AKR7A2: variants seen among roughly 807,000 people sequenced by gnomAD.
The protein encoded by AKR7A2 is aflatoxin B1 aldehyde reductase member 2.
A neutral mutation model predicts 37.3 loss-of-function variants in AKR7A2; 29 were observed. The ratio of observed to expected loss-of-function variants is 0.78; its 90% CI spans 0.58 to 1.06. The LOEUF (loss-of-function observed/expected upper bound fraction) is 1.06. Ranked by LOEUF, AKR7A2 falls within the 50% of genes least tolerant of loss-of-function variation. The pLI is 0.00. For missense variants in AKR7A2, 529 were observed against 497.9 expected (o/e 1.06, Z -0.59); for synonymous variants, 228 against 217.8 (o/e 1.05, Z -0.41).
At chr1:19,304,523 G>T in intron 6 of AKR7A2, 137 bp from the exon 7 acceptor site, 1 of 1,492,492 alleles carries the variant, frequency 6.7e-7, no homozygotes, top group Non-Finnish European at 9.3e-7. Flanking sequence ...AGGACTTAAG[G>T]TGCCTTGGAT....
At chr1:19,303,945 T>A, downstream of AKR7A2, 1 of 486,410 alleles carries the variant, frequency 2.1e-6, no homozygotes. Context: ...AAACAAAGTG[T>A]TAACAGCAGA....
intron 3 of AKR7A2, 172 bp downstream of exon 3, chr1:19,307,986 G>A (rs982527187): frequency 1.4e-5 from 11 of 808,768 alleles, no homozygotes; most frequent in Non-Finnish European, 2.3e-5. Flanking sequence ...ATGCCCAGTG[G>A]CCAGGCTGAG....
intron 6 of AKR7A2, 27 bp downstream of exon 6, chr1:19,305,991 A>G (rs375640571): frequency 6.2e-7 from 1 of 1,613,288 alleles, no homozygotes; most frequent in Admixed American, 1.7e-5. Flanking sequence ...GAAGGGAAGA[A>G]GCTGAGCACC....
rs747345317 is a variant in AKR7A2, at chr1:19,307,365, G to A, written c.637C>T (p.Pro213Ser). 3.7e-6 allele frequency: 6 copies of A among 1,613,900 alleles called. No homozygotes were observed. The highest frequency in any genetic ancestry group is 5.1e-6 in the Non-Finnish European group (6 of 1,179,954). ...TTRQVETELF[P>S]CLRHFGLRFY... ...CTCAGTCCAAAGTGCCTGAGGCAGGGGAAGAGCTCCGTTTCCACCTGCCGG... is the reference window on the plus strand; with the variant it reads ...CTCAGTCCAAAGTGCCTGAGGCAGGAGAAGAGCTCCGTTTCCACCTGCCGG... The change falls in exon 4 of 7, where the codon CCC becomes TCC. Residue 213 changes from proline to serine, a missense_variant. Coordinates refer to ENST00000235835, the MANE Select transcript of AKR7A2 (RefSeq NM_003689.4).
intron 3 of AKR7A2, chr1:19,307,639 GTT>G: frequency 1.7e-6 from 1 of 599,058 alleles, no homozygotes; most frequent in African/African-American, 1.9e-5. Flanking sequence ...CTGGACACTG[GTT>G]ACAACCACAA....
rs746458898 is a variant in AKR7A2 at position 19,308,094 on chromosome 1, G to T, written c.591+64C>A. ...GACGGCACAGGGGGCAGTCAGGGGG[G>T]CAAAGAGAGCCCAGGATTAGCAGGA... On this transcript the variant is annotated intron_variant, in intron 3 of 6. Coordinates refer to ENST00000235835, the MANE Select transcript of AKR7A2 (RefSeq NM_003689.4). 3 of 1,603,884 alleles carry T rather than the reference G, an allele frequency of 1.9e-6. No homozygotes were observed. The Admixed American group carries it at 5.0e-5, about 27-fold the overall frequency.
chr1:19,305,887 G>C, intron 6 of AKR7A2, 131 bp downstream of exon 6: 1 of 1,448,112 alleles, frequency 6.9e-7, no homozygotes. Context: ...CCAGTGGGAA[G>C]AGTGCTTATG....
At position 19,311,811 on chromosome 1, in the gene AKR7A2, C is replaced by A; in HGVS notation, c.298+16G>T. 3 of 1,610,136 alleles carry A rather than the reference C, an allele frequency of 1.9e-6. No individual in the cohort carries two copies. The highest frequency in any genetic ancestry group is 2.2e-4 in the Middle Eastern group (1 of 4,448). The stretch of plus-strand genomic sequence containing the variant: ...GCTCTACACGATGCATGGGGAGGAT[C>A]TGCAGCTACTGTTACCTCTGCAGTC... On this transcript the variant is annotated intron_variant, in intron 1 of 6. Coordinates refer to ENST00000235835, the MANE Select transcript of AKR7A2 (RefSeq NM_003689.4).
chr1:19,305,974 C>A (rs373739657), intron 6 of AKR7A2, 44 bp downstream of exon 6: 2 of 1,612,864 alleles, frequency 1.2e-6, no homozygotes, highest in Non-Finnish European at 1.7e-6. Context: ...TGACGCTGGT[C>A]CCCCTGGAAG....
Position 19,306,165 on chromosome 1 carries a change from T to C in AKR7A2, c.789-18A>G, listed in dbSNP as rs1378080234. ...TCCAGAAGCTGTGCAGAGGGGATGT[T>C]AGCACAGGGGTCAGTACCATGGGGG... On this transcript the variant is annotated intron_variant, in intron 5 of 6. Coordinates refer to ENST00000235835, the MANE Select transcript of AKR7A2 (RefSeq NM_003689.4). 1 of 1,614,142 alleles carries C rather than the reference T, an allele frequency of 6.2e-7. No homozygotes were observed. The highest frequency in any genetic ancestry group is 1.7e-5 in the Admixed American group (1 of 60,014).
chr1:19,305,231 T>G (rs891955284), intron 6 of AKR7A2: 23 of 153,560 alleles, frequency 1.5e-4, no homozygotes, highest in African/African-American at 5.3e-4. Context: ...AGAAAACTTA[T>G]GTAAAACACA....
rs937237033 is a variant in AKR7A2, at chr1:19,306,024, C to T, written c.912G>A (p.Gln304=). 4 of 1,613,864 alleles carry T rather than the reference C, an allele frequency of 2.5e-6. No homozygotes were observed. Among genetic ancestry groups the T allele is most frequent in the Non-Finnish European group, 3.4e-6 (4 of 1,179,922 alleles). ...AALRWMYHHS[Q]LQGAHGDAVI... is the part of the protein sequence containing the mutation. The stretch of plus-strand genomic sequence containing the variant: ...ACCCAGGGTCGCTGGTTACCTGCAG[C>T]TGTGAGTGGTGGTACATCCACCGGA... The change falls in exon 6 of 7, where the codon CAG becomes CAA. Residue 304 remains glutamine, a synonymous_variant. Transcript: ENST00000235835.
At chr1:19,304,476 G>T in intron 6 of AKR7A2, 90 bp from the exon 7 acceptor site, 1 of 1,606,762 alleles carries the variant, frequency 6.2e-7, no homozygotes, top group South Asian at 1.1e-5. Context: ...CTGAGATCTG[G>T]GGTCTCTGTT....
At chr1:19,308,352 C>T in intron 2 of AKR7A2, 90 bp from the exon 3 acceptor site, 1 of 1,593,460 alleles carries the variant, frequency 6.3e-7, no homozygotes, top group East Asian at 2.3e-5. Context: ...GGGCTATTCC[C>T]TGCCCCACCC....
At chr1:19,304,701 CA>C (rs2093758142) in intron 6 of AKR7A2, among the ~76,000 whole-genome samples, 2 of 152,130 alleles carry the variant, frequency 1.3e-5, no homozygotes, top group East Asian at 3.8e-4. Context: ...TTTGGGAGGT[CA>C]AGGTGGGAAG....
chr1:19,305,883 G>A, intron 6 of AKR7A2, 135 bp downstream of exon 6: 1 of 1,425,584 alleles, frequency 7.0e-7, no homozygotes, highest in South Asian at 1.2e-5. Flanking sequence ...AAGACCAGTG[G>A]GAAGAGTGCT....
At chr1:19,304,564 C>A (rs757885282) in intron 6 of AKR7A2, among the ~76,000 whole-genome samples, 178 bp from the exon 7 acceptor site, 6 of 152,104 alleles carry the variant, frequency 3.9e-5, no homozygotes, top group African/African-American at 7.2e-5. Context: ...AAACCCGCAT[C>A]CTTTCCCCTA....
chr1:19,304,569 C>A (rs2093757881), intron 6 of AKR7A2, among the ~76,000 whole-genome samples, 183 bp from the exon 7 acceptor site: 1 of 152,084 alleles, frequency 6.6e-6, no homozygotes, highest in Non-Finnish European at 1.5e-5. Context: ...CGCATCCTTT[C>A]CCCTACTGCC....
chr1:19,312,067 A>C lies in AKR7A2; in HGVS notation c.58T>G (p.Ser20Ala). Reference protein sequence around the residue: ...SRAAVHCALRSPPPEARALAM... With the variant: ...SRAAVHCALRAPPPEARALAM... ...AGCGCGCGGGCCTCGGGCGGCGGAGAGCGAAGCGCGCAGTGGACGGCGGCG... is the reference window on the plus strand; with the variant it reads ...AGCGCGCGGGCCTCGGGCGGCGGAGCGCGAAGCGCGCAGTGGACGGCGGCG... The change falls in exon 1 of 7, where the codon TCT becomes GCT. Residue 20 changes from serine to alanine, a missense_variant. Transcript: ENST00000235835. 7.4e-7 allele frequency: 1 copy of C among 1,357,760 alleles called. No homozygotes were observed. Among genetic ancestry groups the C allele is most frequent in the African/African-American group, 1.5e-5 (1 of 64,868 alleles). 84.1% of individuals were successfully genotyped at this position (1,357,760 alleles called of 1,614,324 possible). A position where few individuals can be genotyped will look rare whatever the true frequency, so the allele number is the denominator to read the frequency against.
Sources: allele counts gnomAD v4.1 joint callset (sites outside exome capture counted in the v4.1 genomes callset), GRCh38; gene constraint gnomAD v4.1.1; transcripts MANE v1.5; gene names NCBI Gene and HGNC (gene_info 2026-07-23, HGNC 2026-07-21).